ST18: variants seen among roughly 807,000 people sequenced by gnomAD.
The protein encoded by ST18 is suppression of tumorigenicity 18 protein.
Under a neutral mutation model 110.0 loss-of-function variants are expected in ST18, and 50 were observed. The observed-to-expected ratio is 0.45, with a 90% CI of 0.36 to 0.58. The LOEUF (loss-of-function observed/expected upper bound fraction) is 0.58. Among genes scored for constraint, ST18 ranks in the 20% least tolerant of loss-of-function variants. The probability of loss-of-function intolerance (pLI) is 0.00; values close to 1 mark genes in which losing one functional copy is unlikely to be tolerated. For synonymous variants in ST18, 461 were observed against 452.4 expected (o/e 1.02, Z -0.24); for missense variants, 1,306 against 1,280.1 (o/e 1.02, Z -0.31).
intron 2 of ST18, among the ~76,000 whole-genome samples, chr8:52,336,546 A>G (rs1812165349): frequency 6.6e-6 from 1 of 152,200 alleles, no homozygotes; most frequent in Non-Finnish European, 1.5e-5. Flanking sequence ...TCGGGAAGAA[A>G]GGAAAGATGA....
At chr8:52,202,018 G>A (rs1361446892) in intron 8 of ST18, among the ~76,000 whole-genome samples, 2 of 152,164 alleles carry the variant, frequency 1.3e-5, no homozygotes, top group Non-Finnish European at 2.9e-5. Context: ...TCGTAGTTGA[G>A]GGGCCAATGG....
At position 52,218,804 on chromosome 8, in the gene ST18, G is replaced by A. The variant is rs78851433; in HGVS notation, c.-156-903C>T. On this transcript the variant is annotated intron_variant, in intron 5 of 25. Transcript: ENST00000689386. Reference sequence around the variant, plus strand: ...ATCGCCTGAGATTTTTGACCTGGCAGTGTGGTTCTGTCGCTGTGTTACATT... The same window carrying A: ...ATCGCCTGAGATTTTTGACCTGGCAATGTGGTTCTGTCGCTGTGTTACATT... Among the ~76,000 whole-genome samples the A allele has an allele frequency of 1.6e-3, 243 of 152,196 alleles. 1 individual carries two copies. The highest frequency in any genetic ancestry group is 5.6e-3 in the African/African-American group (234 of 41,514).
chr8:52,330,894 A>G (rs1379055663), intron 2 of ST18, among the ~76,000 whole-genome samples: 3 of 152,208 alleles, frequency 2.0e-5, no homozygotes, highest in Non-Finnish European at 4.4e-5. Context: ...ACCAAGAAGG[A>G]GCGCCTAAGA....
At chr8:52,300,771 G>C (rs549469060) in intron 2 of ST18, among the ~76,000 whole-genome samples, 1 of 152,284 alleles carries the variant, frequency 6.6e-6, no homozygotes, top group South Asian at 2.1e-4. Flanking sequence ...GAGTTGAATA[G>C]TTCTGATGAT....
chr8:52,220,179 A>T (rs1366948666), intron 5 of ST18, among the ~76,000 whole-genome samples: 1 of 152,160 alleles, frequency 6.6e-6, no homozygotes, highest in East Asian at 1.9e-4. Context: ...GGGCCTTTAC[A>T]ATTTTTTTCT....
chr8:52,208,622 T>C (rs977555668), intron 8 of ST18, among the ~76,000 whole-genome samples: 1 of 152,112 alleles, frequency 6.6e-6, no homozygotes, highest in Non-Finnish European at 1.5e-5. Flanking sequence ...GTCAGGAGAT[T>C]GAGACCATCC....
intron 2 of ST18, among the ~76,000 whole-genome samples, chr8:52,346,591 C>T (rs558746489): frequency 6.6e-6 from 1 of 152,322 alleles, no homozygotes; most frequent in East Asian, 1.9e-4. Context: ...AAAATAAAGC[C>T]AACTGTAAAG....
chr8:52,340,779 CA>C (rs1339851862), intron 2 of ST18, among the ~76,000 whole-genome samples: 26 of 152,166 alleles, frequency 1.7e-4, no homozygotes, highest in African/African-American at 4.6e-4. Flanking sequence ...CACCTACTTC[CA>C]AAGTTCAAAT....
chr8:52,343,260 T>C (rs1242053379), intron 2 of ST18, among the ~76,000 whole-genome samples: 1 of 152,092 alleles, frequency 6.6e-6, no homozygotes, highest in Non-Finnish European at 1.5e-5. Flanking sequence ...CGCCAGACAA[T>C]AAAGCTTCAG....
At chr8:52,198,900 C>T (rs1251679160) in intron 8 of ST18, among the ~76,000 whole-genome samples, 3 of 152,160 alleles carry the variant, frequency 2.0e-5, no homozygotes, top group Non-Finnish European at 4.4e-5. Context: ...ACCAGAACTA[C>T]TGACAAATGA....
At chr8:52,393,391 A>T (rs1839960446) in intron 2 of ST18, among the ~76,000 whole-genome samples, 1 of 152,160 alleles carries the variant, frequency 6.6e-6, no homozygotes, top group African/African-American at 2.4e-5. Context: ...ATATAGACTC[A>T]GTCCTGAACT....
chr8:52,383,836 A>G (rs1169521200), intron 2 of ST18, among the ~76,000 whole-genome samples: 2 of 147,780 alleles, frequency 1.4e-5, no homozygotes, highest in African/African-American at 5.0e-5. Context: ...GTAGCCTCAA[A>G]CCCCTGGCTC....
chr8:52,166,903 G>T lies in ST18; in HGVS notation c.1153C>A (p.His385Asn). The T allele has an allele frequency of 6.2e-7, 1 of 1,610,002 alleles. No individual in the cohort carries two copies. The change falls in exon 11 of 26, where the codon CAC becomes AAC. Residue 385 changes from histidine to asparagine, a missense_variant. Transcript: ENST00000689386. ...GGGCACCCCGAAAGGCTGCGGTGGTGCGGGTAGAGCCCTGTCACGTGTCCC... is the reference window on the plus strand; with the variant it reads ...GGGCACCCCGAAAGGCTGCGGTGGTTCGGGTAGAGCCCTGTCACGTGTCCC... Reference protein sequence around the residue: ...GTGHVTGLYPHHRSLSGCPHK... With the variant: ...GTGHVTGLYPNHRSLSGCPHK...
chr8:52,245,191 A>C (rs1471864362), intron 2 of ST18, among the ~76,000 whole-genome samples: 1 of 152,206 alleles, frequency 6.6e-6, no homozygotes, highest in African/African-American at 2.4e-5. Context: ...CAAAAGAGCA[A>C]ACAGTGGACA....
At chr8:52,355,347 T>A (rs957306169) in intron 2 of ST18, among the ~76,000 whole-genome samples, 5 of 152,186 alleles carry the variant, frequency 3.3e-5, no homozygotes, top group Non-Finnish European at 7.3e-5. Context: ...TGTGTGGGCC[T>A]CCTCCTAGTT....
chr8:52,218,378 CT>C (rs1369939268), intron 5 of ST18, among the ~76,000 whole-genome samples: 3 of 135,292 alleles, frequency 2.2e-5, no homozygotes, highest in Admixed American at 2.2e-4. Flanking sequence ...GGTAGCTACT[CT>C]TTTTTTTTCT....
At chr8:52,334,384 T>G (rs79706447) in intron 2 of ST18, among the ~76,000 whole-genome samples, 1,856 of 152,324 alleles carry the variant, frequency 0.012, 12 homozygotes, top group Middle Eastern at 0.024. Flanking sequence ...GTATGTGTTT[T>G]GGCTGAAAAG....
At chr8:52,306,702 C>T (rs1484320136) in intron 2 of ST18, among the ~76,000 whole-genome samples, 1 of 152,034 alleles carries the variant, frequency 6.6e-6, no homozygotes, top group African/African-American at 2.4e-5. Context: ...GAAGCAAAGG[C>T]CTGAAATAGG....
chr8:52,316,561 C>T (rs1261557171), intron 2 of ST18, among the ~76,000 whole-genome samples: 1 of 152,180 alleles, frequency 6.6e-6, no homozygotes, highest in Non-Finnish European at 1.5e-5. Flanking sequence ...ATAGTTTTGT[C>T]CATAAGGATG....
Sources: allele counts gnomAD v4.1 joint callset (sites outside exome capture counted in the v4.1 genomes callset), GRCh38; gene constraint gnomAD v4.1.1; transcripts MANE v1.5; gene names NCBI Gene and HGNC (gene_info 2026-07-23, HGNC 2026-07-21).